The following BRAF variants were observed in gnomAD, a reference collection of about 807,000 sequenced individuals.
BRAF encodes the protein serine/threonine-protein kinase B-raf.
Under a neutral mutation model 104.6 loss-of-function variants are expected in BRAF, and 16 were observed. The observed-to-expected ratio is 0.15, with a 90% CI of 0.10 to 0.23. The LOEUF (loss-of-function observed/expected upper bound fraction) is 0.23, where lower values mean the gene tolerates loss of function less well. Ranked by LOEUF, BRAF falls within the 10% of genes least tolerant of loss-of-function variation. BRAF has a pLI of 1.00. For missense variants in BRAF, 541 were observed against 937.3 expected, an observed-to-expected ratio of 0.58 and a Z score of 5.52; for synonymous variants, 310 against 341.6, an observed-to-expected ratio of 0.91 and a Z score of 1.02.
intron 19 of BRAF, chr7:140,732,625 C>T: frequency 6.6e-6 from 1 of 152,152 alleles, no homozygotes; most frequent in Non-Finnish European, 1.5e-5. Context: ...CTCTACAGAG[C>T]TTAGCCACAC....
intron 17 of BRAF, among the ~76,000 whole-genome samples, chr7:140,744,800 T>C (rs913055998): frequency 6.6e-6 from 1 of 152,206 alleles, no homozygotes; most frequent in Non-Finnish European, 1.5e-5. Flanking sequence ...AATTTTACAT[T>C]CTATGTTTCC....
chr7:140,726,823 G>C (rs905821047), intron 19 of BRAF, among the ~76,000 whole-genome samples: 2 of 152,194 alleles, frequency 1.3e-5, no homozygotes, highest in Non-Finnish European at 2.9e-5. Flanking sequence ...CTCAGAAACT[G>C]AATGTAAAGT....
At chr7:140,762,985 GAA>G (rs1798905914) in intron 14 of BRAF, among the ~76,000 whole-genome samples, 1 of 152,158 alleles carries the variant, frequency 6.6e-6, no homozygotes, top group South Asian at 2.1e-4. Context: ...AGAACAAAAT[GAA>G]AAGTCTCCCA....
chr7:140,832,320 A>G (rs1187662576), intron 3 of BRAF, among the ~76,000 whole-genome samples: 3 of 152,220 alleles, frequency 2.0e-5, no homozygotes, highest in Admixed American at 6.5e-5. Context: ...GTATTTTGAT[A>G]GAGGAACTGT....
At chr7:140,912,911 G>A (rs1817157497) in intron 1 of BRAF, among the ~76,000 whole-genome samples, 1 of 152,074 alleles carries the variant, frequency 6.6e-6, no homozygotes, top group Non-Finnish European at 1.5e-5. Context: ...CACCAATATG[G>A]CCTAGATAAC....
At chr7:140,922,013 G>T (rs552052128) in intron 1 of BRAF, among the ~76,000 whole-genome samples, 1 of 152,104 alleles carries the variant, frequency 6.6e-6, no homozygotes, top group Admixed American at 6.5e-5. Flanking sequence ...TTTCTTGGAG[G>T]AATTTATTTT....
At chr7:140,798,272 C>CTTTTTTTTTCTT (rs10525418) in intron 7 of BRAF, among the ~76,000 whole-genome samples, 5 of 115,624 alleles carry the variant, frequency 4.3e-5, no homozygotes, top group Non-Finnish European at 8.3e-5. Flanking sequence ...CTTTTTTTTT[C>CTTTTTTTTTCTT]TTTTTTTTGA....
chr7:140,912,782 G>A (rs541342196), intron 1 of BRAF, among the ~76,000 whole-genome samples: 4 of 152,124 alleles, frequency 2.6e-5, no homozygotes, highest in South Asian at 4.2e-4. Flanking sequence ...TCCTCACCTC[G>A]GGTGATCTGC....
At chr7:140,877,521 A>T (rs964503241) in intron 1 of BRAF, among the ~76,000 whole-genome samples, 24 of 152,204 alleles carry the variant, frequency 1.6e-4, no homozygotes, top group Non-Finnish European at 3.1e-4. Flanking sequence ...AATAATAAAA[A>T]GCAGAAATCC....
At chr7:140,773,439 G>C (rs1800034307) in intron 14 of BRAF, 1 of 152,172 alleles carries the variant, frequency 6.6e-6, no homozygotes, top group Non-Finnish European at 1.5e-5. Flanking sequence ...TTGGCTGCTA[G>C]CATGTCAGGA....
chr7:140,783,341 T>C, intron 10 of BRAF, 184 bp from the exon 10 acceptor site: 1 of 672,206 alleles, frequency 1.5e-6, no homozygotes. Flanking sequence ...TAATTTCTTT[T>C]AGTTTTCTGG....
At chr7:140,800,254 G>C (rs529265320) in intron 7 of BRAF, 108 bp downstream of exon 7, 2 of 1,543,216 alleles carry the variant, frequency 1.3e-6, no homozygotes, top group African/African-American at 1.4e-5. Context: ...TGGGGAAAAA[G>C]TCCTTAATTT....
In BRAF at chr7:140,842,545, T is replaced by C. The variant is rs560924079; in HGVS notation, c.240+7566A>G. 3.3e-3 allele frequency among the ~76,000 whole-genome samples: 497 copies of C among 152,208 alleles called. 3 individuals are homozygous for C. Among genetic ancestry groups the C allele is most frequent in the African/African-American group, 0.011 (475 of 41,544 alleles). ...CATCTCTGGGCTCCAATAAATCAAGTACAGAAAGAAGAATCTACTACTAGA... is the reference window on the plus strand; with the variant it reads ...CATCTCTGGGCTCCAATAAATCAAGCACAGAAAGAAGAATCTACTACTAGA... On this transcript the variant is annotated intron_variant, in intron 2 of 19. Transcript: ENST00000644969.
At chr7:140,714,353 C>G (rs1484286536), downstream of BRAF, among the ~76,000 whole-genome samples, 1 of 152,168 alleles carries the variant, frequency 6.6e-6, no homozygotes. Context: ...TTCTCCTCTA[C>G]CCACAGATCT....
intron 1 of BRAF, among the ~76,000 whole-genome samples, chr7:140,893,311 G>A (rs1017970094): frequency 6.0e-5 from 9 of 150,622 alleles, no homozygotes; most frequent in East Asian, 1.9e-4. Flanking sequence ...GTGCAGTGGC[G>A]CGATCTCAGC....
chr7:140,719,774 G>A lies in BRAF; in HGVS notation c.*6720C>T. 1.9e-6 allele frequency: 2 copies of A among 1,062,756 alleles called. No individual in the cohort carries two copies. Among genetic ancestry groups the A allele is most frequent in the Non-Finnish European group, 1.1e-6 (1 of 877,716 alleles). The allele number at this position is 1,062,756 out of a possible 1,614,324, so 65.8% of individuals were successfully genotyped here. Reference sequence around the variant, plus strand: ...GTAATTTTTGCAAAGCAGGTATAGAGAGGTCTGTGGACAATTAAAAAGTCC... The same window carrying A: ...GTAATTTTTGCAAAGCAGGTATAGAAAGGTCTGTGGACAATTAAAAAGTCC... On this transcript the variant is annotated 3_prime_UTR_variant, in exon 20 of 20. Coordinates refer to ENST00000644969, the MANE Select transcript of BRAF (RefSeq NM_001374258.1).
chr7:140,876,112 T>C (rs1417438246), intron 1 of BRAF, among the ~76,000 whole-genome samples: 1 of 152,148 alleles, frequency 6.6e-6, no homozygotes, highest in East Asian at 1.9e-4. Context: ...CATTGCCCAA[T>C]GAAGCTTTCA....
intron 1 of BRAF, among the ~76,000 whole-genome samples, chr7:140,918,306 TG>T (rs1447742492): frequency 6.6e-6 from 1 of 152,148 alleles, no homozygotes; most frequent in African/African-American, 2.4e-5. Flanking sequence ...AGGATGAAAT[TG>T]TTCCACCTCA....
rs769681573 is a variant in BRAF, at chr7:140,723,402, A to G, written c.*3092T>C. On this transcript the variant is annotated 3_prime_UTR_variant, in exon 20 of 20. Coordinates refer to ENST00000644969, the MANE Select transcript of BRAF (RefSeq NM_001374258.1). ...GCATATATCATTTGTATGGGATTTT[A>G]TCTTCTAAAATGCCCCAGTATGCCC... is the stretch of plus-strand genomic sequence containing the variant. 62 of 1,054,274 alleles carry G rather than the reference A, an allele frequency of 5.9e-5. No homozygotes were observed. Among genetic ancestry groups the G allele is most frequent in the Non-Finnish European group, 7.0e-5 (61 of 872,686 alleles). 65.3% of individuals were successfully genotyped at this position (1,054,274 alleles called of 1,614,324 possible). A position where few individuals can be genotyped will look rare whatever the true frequency, so the allele number is the denominator to read the frequency against.
Sources: allele counts gnomAD v4.1 joint callset (sites outside exome capture counted in the v4.1 genomes callset), GRCh38; gene constraint gnomAD v4.1.1; transcripts MANE v1.5; gene names NCBI Gene and HGNC (gene_info 2026-07-23, HGNC 2026-07-21).